The following AKT3 variants were observed in gnomAD, a reference collection of about 807,000 sequenced individuals.
The protein encoded by AKT3 is RAC-gamma serine/threonine-protein kinase.
AKT3 carries 15 observed loss-of-function variants against 65.3 expected under a neutral mutation model. The observed-to-expected ratio is 0.23, with a 90% CI of 0.15 to 0.35. The LOEUF is 0.35. Ranked by LOEUF, AKT3 falls within the 10% of genes least tolerant of loss-of-function variation. AKT3 has a pLI of 1.00. For missense variants in AKT3, 243 were observed against 576.5 expected (o/e 0.42, Z 5.92); for synonymous variants, 206 against 183.8 (o/e 1.12, Z -0.98).
At chr1:243,795,349 A>T (rs572249744) in intron 2 of AKT3, among the ~76,000 whole-genome samples, 1 of 151,160 alleles carries the variant, frequency 6.6e-6, no homozygotes, top group South Asian at 2.1e-4. Context: ...CTTCCACAGG[A>T]GAAGGATAGG....
intron 2 of AKT3, among the ~76,000 whole-genome samples, chr1:243,744,924 C>T (rs1307883679): frequency 6.6e-6 from 1 of 151,162 alleles, no homozygotes; most frequent in Non-Finnish European, 1.5e-5. Flanking sequence ...GAGTCCTTGG[C>T]TCATTAAAAA....
intron 9 of AKT3, among the ~76,000 whole-genome samples, chr1:243,566,543 G>C (rs1343589931): frequency 2.0e-5 from 3 of 152,188 alleles, no homozygotes; most frequent in Non-Finnish European, 4.4e-5. Context: ...CATGGCCATG[G>C]GGACTGGTAG....
At chr1:243,813,354 T>G (rs1693304684) in intron 2 of AKT3, among the ~76,000 whole-genome samples, 1 of 151,954 alleles carries the variant, frequency 6.6e-6, no homozygotes, top group Non-Finnish European at 1.5e-5. Context: ...TATAAAACCC[T>G]CAAAAAAATT....
chr1:243,766,523 A>AG lies in AKT3; in HGVS notation c.47-70808dup, dbSNP rs539756876. ...TTGCAGTAATACAGGTAAAGAGATT[A>AG]GGAGTTCAATTAACATTTAACAAAC... On this transcript the variant is annotated intron_variant, in intron 2 of 13. Coordinates refer to ENST00000673466, the MANE Select transcript of AKT3 (RefSeq NM_005465.7). Among the ~76,000 whole-genome samples the AG allele has an allele frequency of 3.3e-5, 5 of 152,346 alleles. No individual in the cohort carries two copies. In the South Asian group the frequency reaches 1.0e-3, roughly 32 times the overall value.
chr1:243,723,845 A>C (rs1056649001), intron 2 of AKT3, among the ~76,000 whole-genome samples: 4 of 152,168 alleles, frequency 2.6e-5, no homozygotes, highest in African/African-American at 9.7e-5. Context: ...ACTTGAGCAC[A>C]GGAAGTGGAG....
intron 2 of AKT3, among the ~76,000 whole-genome samples, chr1:243,807,174 C>A (rs1309928328): frequency 6.6e-6 from 1 of 152,278 alleles, no homozygotes; most frequent in African/African-American, 2.4e-5. Context: ...TGGGGATTGT[C>A]GGACAGTGGG....
chr1:243,754,741 T>C (rs1245471653), intron 2 of AKT3, among the ~76,000 whole-genome samples: 2 of 152,050 alleles, frequency 1.3e-5, no homozygotes, highest in Non-Finnish European at 2.9e-5. Flanking sequence ...AACAGTTTCA[T>C]CCCAAAACCG....
At position 243,501,260 on chromosome 1, in the gene AKT3, T is replaced by A. The variant is rs531561178; in HGVS notation, c.*3989A>T. Reference sequence around the variant, plus strand: ...GTGAAGTCAGACTGCAGTCCAGCCATCCTACCCATCTACATCACCCACGTC... The same window carrying A: ...GTGAAGTCAGACTGCAGTCCAGCCAACCTACCCATCTACATCACCCACGTC... On this transcript the variant is annotated 3_prime_UTR_variant, in exon 14 of 14. Coordinates refer to ENST00000673466, the MANE Select transcript of AKT3 (RefSeq NM_005465.7). The A allele has an allele frequency of 4.3e-6, 1 of 232,912 alleles. No homozygotes were observed. The highest frequency in any genetic ancestry group is 8.5e-6 in the Non-Finnish European group (1 of 117,884). 14.4% of individuals were successfully genotyped at this position (232,912 alleles called of 1,614,324 possible).
chr1:243,661,569 G>C (rs1682334626), intron 4 of AKT3, among the ~76,000 whole-genome samples: 1 of 150,994 alleles, frequency 6.6e-6, no homozygotes. Flanking sequence ...ATGGATTAAA[G>C]ACTTAAACGT....
At chr1:243,848,248 T>C (rs1477849394) in intron 1 of AKT3, among the ~76,000 whole-genome samples, 4 of 152,210 alleles carry the variant, frequency 2.6e-5, no homozygotes, top group Non-Finnish European at 5.9e-5. Flanking sequence ...TTTCAAGTAC[T>C]ATCTCCTTGG....
At chr1:243,628,043 C>T (rs1679310380) in intron 6 of AKT3, among the ~76,000 whole-genome samples, 1 of 152,202 alleles carries the variant, frequency 6.6e-6, no homozygotes, top group African/African-American at 2.4e-5. Flanking sequence ...TGCTGTCCAG[C>T]AGTAACCACT....
chr1:243,810,203 T>C (rs1032266893), intron 2 of AKT3, among the ~76,000 whole-genome samples: 22 of 151,956 alleles, frequency 1.4e-4, no homozygotes, highest in African/African-American at 4.1e-4. Flanking sequence ...GATAGAGACA[T>C]AAAAAACCCT....
intron 2 of AKT3, among the ~76,000 whole-genome samples, chr1:243,792,878 T>C (rs1233084262): frequency 6.6e-6 from 1 of 152,218 alleles, no homozygotes; most frequent in East Asian, 1.9e-4. Context: ...CACATTAAAA[T>C]GAATTTATAA....
At chr1:243,530,504 T>C (rs1671451747) in intron 12 of AKT3, among the ~76,000 whole-genome samples, 1 of 152,118 alleles carries the variant, frequency 6.6e-6, no homozygotes, top group African/African-American at 2.4e-5. Flanking sequence ...TACCAGAATC[T>C]CTGGGACACA....
chr1:243,844,437 T>C lies in AKT3; in HGVS notation c.-112-1155A>G, dbSNP rs997475957. Among the ~76,000 whole-genome samples, 4 of 152,348 alleles carry C rather than the reference T, an allele frequency of 2.6e-5. No individual in the cohort carries two copies. In the South Asian group the frequency reaches 8.3e-4, roughly 32 times the overall value. ...TGGCATGGAGCTCTTGGGAAGACAA[T>C]GCAAATAACAAAACACAACAGGCTT... On this transcript the variant is annotated intron_variant, in intron 1 of 13. Coordinates refer to ENST00000673466, the MANE Select transcript of AKT3 (RefSeq NM_005465.7).
chr1:243,712,958 G>C (rs1053399937), intron 2 of AKT3, among the ~76,000 whole-genome samples: 1 of 152,116 alleles, frequency 6.6e-6, no homozygotes, highest in Non-Finnish European at 1.5e-5. Flanking sequence ...ATGAGAAAAA[G>C]AGTATGTACT....
intron 2 of AKT3, among the ~76,000 whole-genome samples, chr1:243,842,541 G>A (rs768020745): frequency 6.6e-6 from 1 of 152,142 alleles, no homozygotes; most frequent in Non-Finnish European, 1.5e-5. Context: ...TGAACAAGGT[G>A]TATTAAACCT....
At chr1:243,808,606 A>G (rs1410736872) in intron 2 of AKT3, among the ~76,000 whole-genome samples, 2 of 152,176 alleles carry the variant, frequency 1.3e-5, no homozygotes, top group Admixed American at 1.3e-4. Context: ...AAAACACTCT[A>G]CAGGATATTA....
chr1:243,821,751 T>A (rs1272900851), intron 2 of AKT3, among the ~76,000 whole-genome samples: 1 of 152,134 alleles, frequency 6.6e-6, no homozygotes, highest in Non-Finnish European at 1.5e-5. Flanking sequence ...TATATATGCA[T>A]CCAATATAGG....
Sources: gnomAD v4.1 joint callset for allele counts (sites outside exome capture counted in the v4.1 genomes callset) on GRCh38, gnomAD v4.1.1 for gene constraint, MANE v1.5 for transcripts, NCBI Gene and HGNC (gene_info 2026-07-23, HGNC 2026-07-21) for gene names.